Variants in TCEA3 observed in about 807,000 individuals in gnomAD.
TCEA3 encodes the protein transcription elongation factor A3.
Under a neutral mutation model 44.0 loss-of-function variants are expected in TCEA3, and 36 were observed. The observed-to-expected ratio is 0.82, with a 90% CI of 0.63 to 1.08. The LOEUF is 1.08. Ranked by LOEUF, TCEA3 falls within the 50% of genes least tolerant of loss-of-function variation. TCEA3 has a pLI of 0.00. For missense variants in TCEA3, 392 were observed against 441.2 expected (o/e 0.89, Z 1.00); for synonymous variants, 162 against 159.7 (o/e 1.01, Z -0.11).
chr1:23,421,096 A>G (rs1302383550), intron 1 of TCEA3, among the ~76,000 whole-genome samples: 1 of 152,180 alleles, frequency 6.6e-6, no homozygotes, highest in Non-Finnish European at 1.5e-5. Flanking sequence ...CGTGACCTGC[A>G]GATGTGTGTG....
At chr1:23,384,627 A>G (rs569698053) in intron 9 of TCEA3, among the ~76,000 whole-genome samples, 1 of 148,548 alleles carries the variant, frequency 6.7e-6, no homozygotes, top group South Asian at 2.1e-4. Flanking sequence ...CACTCCCAGT[A>G]TCTTACTGGC....
At position 23,424,600 on chromosome 1, in the gene TCEA3, T is replaced by G. The variant is rs765276784; in HGVS notation, c.34A>C (p.Lys12Gln). The G allele has an allele frequency of 1.9e-6, 3 of 1,608,780 alleles. No homozygotes were observed. The highest frequency in any genetic ancestry group is 2.5e-6 in the Non-Finnish European group (3 of 1,179,066). The change falls in exon 1 of 11, where the codon AAA (lysine) becomes CAA (glutamine). Residue 12 changes from lysine to glutamine, a missense_variant. Coordinates refer to ENST00000450454, the MANE Select transcript of TCEA3 (RefSeq NM_003196.3). ...CTGGCCACCATCTTCTCCAGCTTTT[T>G]GGCGATCCTCAGCAGCTCCTCTTCC... ...GQEEELLRIAKKLEKMVARKN... is the reference protein window; with the variant it reads ...GQEEELLRIAQKLEKMVARKN...
rs568794458 is a variant in TCEA3 at position 23,393,742 on chromosome 1, G to A, written c.819+137C>T. The A allele has an allele frequency of 9.5e-6, 11 of 1,162,246 alleles. No homozygotes were observed. The East Asian group carries it at 1.8e-4, about 19-fold the overall frequency. 72.0% of individuals were successfully genotyped at this position (1,162,246 alleles called of 1,614,324 possible). On this transcript the variant is annotated intron_variant, in intron 8 of 10. Coordinates refer to ENST00000450454, the MANE Select transcript of TCEA3 (RefSeq NM_003196.3). Reference sequence around the variant, plus strand: ...AGTATCCTGCTAGTCCAGAGCCCAGGGGGGAGGCTGAGATGAGGCTGGTTT... The same window carrying A: ...AGTATCCTGCTAGTCCAGAGCCCAGAGGGGAGGCTGAGATGAGGCTGGTTT...
chr1:23,392,446 ATACAC>A (rs1639072606), intron 8 of TCEA3, among the ~76,000 whole-genome samples: 1 of 3,684 alleles, frequency 2.7e-4, no homozygotes. Context: ...ATCATGCACA[ATACAC>A]ACACACTCCA....
chr1:23,417,009 G>A (rs558545212), intron 4 of TCEA3, among the ~76,000 whole-genome samples: 5 of 152,060 alleles, frequency 3.3e-5, no homozygotes, highest in East Asian at 3.9e-4. Flanking sequence ...TCCCGCAGAC[G>A]CACTCTTTCC....
At chr1:23,391,419 G>C (rs968668425) in intron 8 of TCEA3, among the ~76,000 whole-genome samples, 14 of 151,606 alleles carry the variant, frequency 9.2e-5, no homozygotes, top group African/African-American at 3.2e-4. Context: ...TAACCCCAAG[G>C]CAATGGTTAT....
intron 1 of TCEA3, 98 bp from the exon 2 acceptor site, chr1:23,419,237 A>G (rs1639986404): frequency 1.1e-6 from 1 of 890,182 alleles, no homozygotes; most frequent in Non-Finnish European, 1.7e-6. Context: ...GGATACAGAC[A>G]GACATGTGGC....
Position 23,417,999 on chromosome 1 carries a change from A to G in TCEA3, c.143T>C (p.Ile48Thr). The change falls in exon 3 of 11, where the codon ATT (isoleucine) becomes ACT (threonine). Residue 48 changes from isoleucine (I) to threonine (T), a missense_variant. Coordinates refer to ENST00000450454, the MANE Select transcript of TCEA3 (RefSeq NM_003196.3). ...GCGGACCCCATTAACAGCAACTCCA[A>G]TCCTGGTTGTCTGCAAAGTGAGAGG... ...MSIQLLQTTRIGVAVNGVRKH... is the reference protein window; with the variant it reads ...MSIQLLQTTRTGVAVNGVRKH... 1 of 1,614,038 alleles carries G rather than the reference A, an allele frequency of 6.2e-7. No individual in the cohort carries two copies. Among genetic ancestry groups the G allele is most frequent in the Non-Finnish European group, 8.5e-7 (1 of 1,179,882 alleles).
intron 1 of TCEA3, chr1:23,419,372 AGCCTTTG>A (rs1639989574): frequency 2.8e-6 from 1 of 361,510 alleles, no homozygotes; most frequent in African/African-American, 2.1e-5. Context: ...CCTGACCTCC[AGCCTTTG>A]GTTCTGCTGT....
chr1:23,383,048 G>C (rs570788047), intron 10 of TCEA3, among the ~76,000 whole-genome samples: 1 of 152,306 alleles, frequency 6.6e-6, no homozygotes, highest in Non-Finnish European at 1.5e-5. Flanking sequence ...GGGAGGCCGA[G>C]GCGGGCGGAT....
chr1:23,412,540 T>TA lies in TCEA3; in HGVS notation c.381-3815dup, dbSNP rs554808383. ...CAACATGGAGAAACCCCTTCTCTAC[T>TA]AAAAAAAAAATACAAAAATTAGCTG... is the stretch of plus-strand genomic sequence containing the variant. On this transcript the variant is annotated intron_variant, in intron 4 of 10. Coordinates refer to ENST00000450454, the MANE Select transcript of TCEA3 (RefSeq NM_003196.3). Among the ~76,000 whole-genome samples, 185 of 146,472 alleles carry TA rather than the reference T, an allele frequency of 1.3e-3. 1 individual carries two copies. Among genetic ancestry groups the TA allele is most frequent in the Admixed American group, 4.9e-3 (72 of 14,680 alleles).
At chr1:23,400,969 T>C (rs1011438954) in intron 5 of TCEA3, among the ~76,000 whole-genome samples, 1 of 152,208 alleles carries the variant, frequency 6.6e-6, no homozygotes, top group African/African-American at 2.4e-5. Context: ...AGAAGAGGAT[T>C]CTGGACTTCT....
intron 5 of TCEA3, among the ~76,000 whole-genome samples, chr1:23,399,142 A>ATGTATATATG (rs1471484807): frequency 2.8e-5 from 2 of 72,046 alleles, no homozygotes; most frequent in Non-Finnish European, 4.6e-5. Flanking sequence ...ATATGTATAT[A>ATGTATATATG]TGTATATATA....
chr1:23,417,431 G>C (rs368427590), intron 3 of TCEA3, 41 bp from the exon 4 acceptor site: 1 of 1,598,672 alleles, frequency 6.3e-7, no homozygotes. Flanking sequence ...GCTAAGCTCT[G>C]TCTCAGCAGA....
At position 23,423,926 on chromosome 1, in the gene TCEA3, C is replaced by T. The variant is rs746340977; in HGVS notation, c.69+639G>A. On this transcript the variant is annotated intron_variant, in intron 1 of 10. Transcript: ENST00000450454. ...CACAGGCCTCCAGCCCGGCCCCCTT[C>T]CCCCGCCCCGCGGGCCCCCGCACCT... 3.1e-5 allele frequency: 14 copies of T among 452,822 alleles called. 1 individual carries two copies. Among genetic ancestry groups the T allele is most frequent in the South Asian group, 2.2e-4 (14 of 64,344 alleles). The allele number at this position is 452,822 out of a possible 1,614,324, so 28.1% of individuals were successfully genotyped here. A position where few individuals can be genotyped will look rare whatever the true frequency, so the allele number is the denominator to read the frequency against.
chr1:23,387,865 T>C (rs1485717941), intron 8 of TCEA3, among the ~76,000 whole-genome samples: 1 of 152,124 alleles, frequency 6.6e-6, no homozygotes, highest in African/African-American at 2.4e-5. Flanking sequence ...CTGTTCTGCT[T>C]AGTGGGAACC....
chr1:23,396,100 A>C (rs909186603), intron 7 of TCEA3, among the ~76,000 whole-genome samples: 8 of 152,128 alleles, frequency 5.3e-5, no homozygotes, highest in African/African-American at 1.7e-4. Context: ...TTAATCATTA[A>C]ATGAGAGTAG....
intron 8 of TCEA3, among the ~76,000 whole-genome samples, chr1:23,392,406 CAT>C (rs1558030128): frequency 1.3e-4 from 1 of 7,698 alleles, no homozygotes; most frequent in Non-Finnish European, 2.1e-4. Context: ...CTCCACACAT[CAT>C]CATGCACAAT....
chr1:23,413,866 C>G (rs1005388414), intron 4 of TCEA3, among the ~76,000 whole-genome samples: 2 of 151,806 alleles, frequency 1.3e-5, no homozygotes, highest in African/African-American at 4.8e-5. Flanking sequence ...GAAATGAATA[C>G]ATTTATGTAC....
Sources: allele counts gnomAD v4.1 joint callset (sites outside exome capture counted in the v4.1 genomes callset), GRCh38; gene constraint gnomAD v4.1.1; transcripts MANE v1.5; gene names NCBI Gene and HGNC (gene_info 2026-07-23, HGNC 2026-07-21).